The following ESR1 variants were observed in gnomAD, a reference collection of about 807,000 sequenced individuals.
ESR1 encodes the protein estrogen receptor.
ESR1 carries 12 observed loss-of-function variants against 52.7 expected under a neutral mutation model. That is an observed-to-expected ratio of 0.23 (90% CI 0.15 to 0.37). ESR1 has a LOEUF of 0.37. Among genes scored for constraint, ESR1 ranks in the 10% least tolerant of loss-of-function variants. The probability of loss-of-function intolerance (pLI) is 1.00; values close to 1 mark genes in which losing one functional copy is unlikely to be tolerated. For missense variants in ESR1, 584 were observed against 779.7 expected, an observed-to-expected ratio of 0.75 and a Z score of 2.99; for synonymous variants, 305 against 316.8, an observed-to-expected ratio of 0.96 and a Z score of 0.39.
At chr6:151,869,994 C>G (rs1790669764) in intron 2 of ESR1, among the ~76,000 whole-genome samples, 1 of 152,134 alleles carries the variant, frequency 6.6e-6, no homozygotes, top group Admixed American at 6.5e-5. Context: ...ATTGAATGTC[C>G]TCACTGGATT....
chr6:151,875,438 C>G (rs141616984), intron 2 of ESR1, among the ~76,000 whole-genome samples: 1 of 152,258 alleles, frequency 6.6e-6, no homozygotes, highest in African/African-American at 2.4e-5. Context: ...CAGTATTGTT[C>G]AGATATTGGA....
chr6:151,723,579 G>A (rs1477984051), intron 2 of ESR1, among the ~76,000 whole-genome samples: 1 of 152,144 alleles, frequency 6.6e-6, no homozygotes, highest in Non-Finnish European at 1.5e-5. Context: ...TAACAAAACA[G>A]CGCTTGTGGC....
At chr6:151,958,460 G>A (rs1312737111) in intron 4 of ESR1, among the ~76,000 whole-genome samples, 2 of 152,192 alleles carry the variant, frequency 1.3e-5, no homozygotes, top group African/African-American at 4.8e-5. Context: ...GCGGAGCTCT[G>A]GGCAGTGTGG....
chr6:151,913,314 C>G (rs1014029556), intron 3 of ESR1, among the ~76,000 whole-genome samples: 2 of 152,106 alleles, frequency 1.3e-5, no homozygotes, highest in South Asian at 2.1e-4. Flanking sequence ...GTTCCTCCCC[C>G]ACACGTAAAC....
chr6:151,713,429 G>T (rs1780777197), intron 2 of ESR1, among the ~76,000 whole-genome samples: 1 of 152,200 alleles, frequency 6.6e-6, no homozygotes, highest in African/African-American at 2.4e-5. Context: ...GCTCCTCTTT[G>T]TACCTCTGGT....
At chr6:151,842,372 G>T (rs1481401276) in intron 1 of ESR1, among the ~76,000 whole-genome samples, 1 of 152,160 alleles carries the variant, frequency 6.6e-6, no homozygotes, top group Non-Finnish European at 1.5e-5. Flanking sequence ...TTCTGGTGCA[G>T]GTAGTATGTT....
chr6:151,691,174 GA>G (rs1401427469), intron 1 of ESR1, among the ~76,000 whole-genome samples: 1 of 152,184 alleles, frequency 6.6e-6, no homozygotes, highest in Non-Finnish European at 1.5e-5. Context: ...CAAGTTTTCT[GA>G]AAAGCTACAC....
At chr6:151,801,491 G>A (rs114102013), upstream of ESR1, among the ~76,000 whole-genome samples, 653 of 152,184 alleles carry the variant, frequency 4.3e-3, 7 homozygotes, top group African/African-American at 0.015. Context: ...AATTCAAACT[G>A]TCTTCATCAA....
intron 3 of ESR1, among the ~76,000 whole-genome samples, chr6:151,914,533 G>T (rs1192040985): frequency 6.6e-6 from 1 of 152,152 alleles, no homozygotes; most frequent in Admixed American, 6.5e-5. Context: ...ATCATATACT[G>T]GGTTAACAAG....
intron 2 of ESR1, among the ~76,000 whole-genome samples, chr6:151,767,953 C>T (rs1026974284): frequency 6.6e-6 from 1 of 152,148 alleles, no homozygotes. Flanking sequence ...TTATATCATT[C>T]CTCCTAGATA....
At chr6:151,870,411 A>G (rs763989302) in intron 2 of ESR1, among the ~76,000 whole-genome samples, 30 of 152,302 alleles carry the variant, frequency 2.0e-4, no homozygotes, top group African/African-American at 7.2e-4. Flanking sequence ...CCATCAGGGA[A>G]TAATATTTTT....
At chr6:151,939,491 A>AT in intron 3 of ESR1, among the ~76,000 whole-genome samples, 1 of 152,162 alleles carries the variant, frequency 6.6e-6, no homozygotes, top group East Asian at 1.9e-4. Flanking sequence ...CATTCTATAT[A>AT]ATTAAGAATA....
chr6:151,866,608 G>A (rs529567188), intron 2 of ESR1, among the ~76,000 whole-genome samples: 1 of 152,172 alleles, frequency 6.6e-6, no homozygotes, highest in South Asian at 2.1e-4. Context: ...TTAGTTTGCT[G>A]AGAATGATGG....
chr6:151,807,919 A>ATGACCC lies in ESR1; in HGVS notation c.9_14dup (p.Thr4_Leu5dup). 1 of 1,613,750 alleles carries ATGACCC rather than the reference A, an allele frequency of 6.2e-7. No homozygotes were observed. The highest frequency in any genetic ancestry group is 8.5e-7 in the Non-Finnish European group (1 of 1,179,896). Reference sequence around the variant, plus strand: ...CTGCCCGCGGCCACGGACCATGACCATGACCCTCCACACCAAAGCATCTGG... The same window carrying ATGACCC: ...CTGCCCGCGGCCACGGACCATGACCATGACCCTGACCCTCCACACCAAAGCATCTGG... On this transcript the variant is annotated inframe_insertion, in exon 1 of 8. Coordinates refer to ENST00000206249, the MANE Select transcript of ESR1 (RefSeq NM_000125.4).
At chr6:151,766,164 G>A (rs1785033603) in intron 2 of ESR1, among the ~76,000 whole-genome samples, 1 of 152,154 alleles carries the variant, frequency 6.6e-6, no homozygotes, top group Non-Finnish European at 1.5e-5. Flanking sequence ...GATTTTTGAA[G>A]CACCCCTCTC....
intron 5 of ESR1, among the ~76,000 whole-genome samples, chr6:152,025,815 C>A (rs190719951): frequency 1.1e-4 from 16 of 151,954 alleles, no homozygotes; most frequent in Admixed American, 9.8e-4. Context: ...TGAGTTGATA[C>A]TTAATTTATT....
At chr6:151,776,098 C>A (rs1436193738) in intron 2 of ESR1, among the ~76,000 whole-genome samples, 1 of 151,998 alleles carries the variant, frequency 6.6e-6, no homozygotes, top group African/African-American at 2.4e-5. Flanking sequence ...ACTTTGGAGG[C>A]AGGAAGAGCA....
chr6:151,875,404 G>A (rs1040463444), intron 2 of ESR1, among the ~76,000 whole-genome samples: 1 of 152,154 alleles, frequency 6.6e-6, no homozygotes, highest in African/African-American at 2.4e-5. Flanking sequence ...AATGAAGTTG[G>A]GGGTGAGGGG....
At chr6:151,947,064 T>C (rs1299366676) in intron 4 of ESR1, among the ~76,000 whole-genome samples, 1 of 152,196 alleles carries the variant, frequency 6.6e-6, no homozygotes, top group African/African-American at 2.4e-5. Flanking sequence ...ATGCCTGTAA[T>C]CCCAGCACTT....
Sources: gnomAD v4.1 joint callset for allele counts (sites outside exome capture counted in the v4.1 genomes callset) on GRCh38, gnomAD v4.1.1 for gene constraint, MANE v1.5 for transcripts, NCBI Gene and HGNC (gene_info 2026-07-23, HGNC 2026-07-21) for gene names.